PCDH15: variants seen among roughly 807,000 people sequenced by gnomAD.
PCDH15 encodes the protein protocadherin related 15, also known as protocadherin-15.
Under a neutral mutation model 178.5 loss-of-function variants are expected in PCDH15, and 129 were observed. The observed-to-expected ratio is 0.72, with a 90% CI of 0.63 to 0.84. The LOEUF is 0.84. Among genes scored for constraint, PCDH15 ranks in the 40% least tolerant of loss-of-function variants. PCDH15 has a pLI of 0.00. For missense variants in PCDH15, 2,230 were observed against 2,099.9 expected (o/e 1.06, Z -1.21); for synonymous variants, 800 against 732.0 (o/e 1.09, Z -1.50).
At chr10:54,879,663 T>C (rs867719088) in intron 3 of PCDH15, among the ~76,000 whole-genome samples, 1 of 151,340 alleles carries the variant, frequency 6.6e-6, no homozygotes, top group African/African-American at 2.4e-5. Context: ...TTTCTTAAGG[T>C]AAAATATTTA....
chr10:54,116,498 G>A (rs2095115825), intron 15 of PCDH15, among the ~76,000 whole-genome samples: 1 of 152,210 alleles, frequency 6.6e-6, no homozygotes. Flanking sequence ...CATGCTGATG[G>A]AAATGATCAG....
intron 1 of PCDH15, among the ~76,000 whole-genome samples, chr10:55,191,144 A>C (rs1839933691): frequency 1.3e-5 from 2 of 151,760 alleles, no homozygotes; most frequent in South Asian, 4.1e-4. Flanking sequence ...TCTTGTATTA[A>C]ACATCATAGA....
chr10:55,213,519 G>A (rs1840623457), intron 1 of PCDH15, among the ~76,000 whole-genome samples: 1 of 151,734 alleles, frequency 6.6e-6, no homozygotes, highest in South Asian at 2.1e-4. Context: ...TTAACTTTGA[G>A]TTCATTTTTA....
chr10:54,816,904 G>A (rs1394759773), intron 3 of PCDH15, among the ~76,000 whole-genome samples: 1 of 151,902 alleles, frequency 6.6e-6, no homozygotes, highest in Non-Finnish European at 1.5e-5. Flanking sequence ...CTTACTTCAT[G>A]AACTTCAGTG....
At chr10:54,650,135 T>C (rs1164922093) in intron 2 of PCDH15, among the ~76,000 whole-genome samples, 4 of 152,124 alleles carry the variant, frequency 2.6e-5, no homozygotes, top group Non-Finnish European at 5.9e-5. Flanking sequence ...AGTACTAACA[T>C]TGGAGAACAA....
intron 2 of PCDH15, among the ~76,000 whole-genome samples, chr10:55,023,305 T>G (rs928737146): frequency 6.6e-6 from 1 of 152,172 alleles, no homozygotes; most frequent in African/African-American, 2.4e-5. Context: ...AGTGTGTACC[T>G]CTTGTTTTGT....
Position 54,104,633 on chromosome 10 carries a change from C to T in PCDH15, c.1918-14570G>A, listed in dbSNP as rs185761684. On this transcript the variant is annotated intron_variant, in intron 15 of 37. Coordinates refer to ENST00000644397, the MANE Select transcript of PCDH15 (RefSeq NM_001384140.1). ...CAGGCAGATTACGAGGTCAGGAGAT[C>T]GAGACCATCCTGGTTGATACAGTGA... Among the ~76,000 whole-genome samples, 286 of 151,688 alleles carry T rather than the reference C, an allele frequency of 1.9e-3. 2 individuals are homozygous for T. The highest frequency in any genetic ancestry group is 6.2e-3 in the African/African-American group (258 of 41,322).
At chr10:54,291,476 G>A (rs2059399217) in intron 8 of PCDH15, among the ~76,000 whole-genome samples, 1 of 152,120 alleles carries the variant, frequency 6.6e-6, no homozygotes, top group South Asian at 2.1e-4. Flanking sequence ...TAATATCAGA[G>A]CAGAACTGAA....
intron 3 of PCDH15, among the ~76,000 whole-genome samples, chr10:54,492,937 G>T (rs1259403940): frequency 6.6e-6 from 1 of 152,112 alleles, no homozygotes; most frequent in Non-Finnish European, 1.5e-5. Context: ...TCACAATAAT[G>T]GTGGAAGGCA....
chr10:54,804,161 T>C (rs1952736112), upstream of PCDH15, among the ~76,000 whole-genome samples: 1 of 151,968 alleles, frequency 6.6e-6, no homozygotes, highest in Non-Finnish European at 1.5e-5. Flanking sequence ...TGCCTCAGCC[T>C]CCGGAGTAGC....
intron 2 of PCDH15, among the ~76,000 whole-genome samples, chr10:55,355,767 A>G (rs1204113843): frequency 1.3e-5 from 2 of 151,918 alleles, no homozygotes; most frequent in Non-Finnish European, 2.9e-5. Context: ...ATTACTGGTG[A>G]AAGATTTAAA....
At chr10:54,818,078 C>G (rs1253836699) in intron 3 of PCDH15, among the ~76,000 whole-genome samples, 1 of 151,984 alleles carries the variant, frequency 6.6e-6, no homozygotes, top group Non-Finnish European at 1.5e-5. Flanking sequence ...TAATTCACAT[C>G]TCATCTTTTT....
chr10:54,821,955 AC>A (rs1953049002), intron 3 of PCDH15, among the ~76,000 whole-genome samples: 1 of 152,134 alleles, frequency 6.6e-6, no homozygotes, highest in Non-Finnish European at 1.5e-5. Flanking sequence ...TTAGAAGGGC[AC>A]AGGAGATCAG....
At chr10:53,901,692 CTT>C (rs1425243029) in intron 26 of PCDH15, among the ~76,000 whole-genome samples, 1 of 152,178 alleles carries the variant, frequency 6.6e-6, no homozygotes, top group Admixed American at 6.5e-5. Context: ...TCCTACCAGA[CTT>C]TTTCATTCAC....
chr10:54,753,974 G>T (rs75863578), intron 1 of PCDH15, among the ~76,000 whole-genome samples: 1 of 128,246 alleles, frequency 7.8e-6, no homozygotes, highest in African/African-American at 3.0e-5. Flanking sequence ...ACGGCCGGCT[G>T]ATTTTTTTTT....
intron 8 of PCDH15, among the ~76,000 whole-genome samples, chr10:54,267,732 A>G (rs2057784968): frequency 6.6e-6 from 1 of 151,898 alleles, no homozygotes; most frequent in South Asian, 2.1e-4. Flanking sequence ...GAGGTGAAAG[A>G]TCTCTTTAAG....
chr10:55,463,618 C>G lies in PCDH15; in HGVS notation c.-156+164007G>C, dbSNP rs986359257. ...AGGCTGCAGTGAGCCATGATCACGC[C>G]ACTGCCCAATGTATGTGACACTGAA... On this transcript the variant is annotated intron_variant, in intron 2 of 5. Transcript: ENST00000613346. Among the ~76,000 whole-genome samples the G allele has an allele frequency of 2.6e-5, 4 of 151,992 alleles. 1 individual carries two copies. The highest frequency in any genetic ancestry group is 7.2e-5 in the African/African-American group (3 of 41,404).
At chr10:54,428,118 C>T (rs778130870) in intron 3 of PCDH15, among the ~76,000 whole-genome samples, 7 of 152,206 alleles carry the variant, frequency 4.6e-5, no homozygotes, top group Non-Finnish European at 1.0e-4. Context: ...ATCAATCCCA[C>T]ACTCATAGGG....
intron 2 of PCDH15, among the ~76,000 whole-genome samples, chr10:55,141,198 A>G (rs7899676): frequency 0.52 from 79,110 of 151,712 alleles, 21,130 homozygotes; most frequent in South Asian, 0.63. Context: ...CAAATGTAGC[A>G]GCTCAACTAA....
Sources: allele counts gnomAD v4.1 joint callset (sites outside exome capture counted in the v4.1 genomes callset), GRCh38; gene constraint gnomAD v4.1.1; transcripts MANE v1.5; gene names NCBI Gene and HGNC (gene_info 2026-07-23, HGNC 2026-07-21).